The following MYO5A variants were observed in gnomAD, a reference collection of about 807,000 sequenced individuals.
MYO5A encodes myosin VA, also known as unconventional myosin-Va.
Under a neutral mutation model 249.7 loss-of-function variants are expected in MYO5A, and 98 were observed. The observed-to-expected ratio is 0.39, with a 90% CI of 0.33 to 0.46. MYO5A has a LOEUF of 0.46. Ranked by LOEUF, MYO5A falls within the 20% of genes least tolerant of loss-of-function variation. The pLI is 0.98. For synonymous variants in MYO5A, 778 were observed against 810.6 expected (o/e 0.96, Z 0.68); for missense variants, 1,696 against 2,308.8 (o/e 0.73, Z 5.44).
At chr15:52,372,002 C>T (rs528961412) in intron 21 of MYO5A, 122 bp downstream of exon 21, 23 of 1,404,076 alleles carry the variant, frequency 1.6e-5, no homozygotes, top group Admixed American at 1.0e-4. Flanking sequence ...GAAATAAATA[C>T]GGTCATAATT....
intron 31 of MYO5A, among the ~76,000 whole-genome samples, 177 bp from the exon 32 acceptor site, chr15:52,340,571 G>C (rs1408570103): frequency 6.6e-6 from 1 of 152,110 alleles, no homozygotes; most frequent in Non-Finnish European, 1.5e-5. Context: ...AATAGAAACG[G>C]GTGCTCTCAC....
Position 52,372,206 on chromosome 15 carries a change from G to A in MYO5A, c.2735C>T (p.Ala912Val), listed in dbSNP as rs1419087237. 2.5e-6 allele frequency: 4 copies of A among 1,613,476 alleles called. No individual in the cohort carries two copies. Among genetic ancestry groups the A allele is most frequent in the Non-Finnish European group, 3.4e-6 (4 of 1,180,032 alleles). ...KRELKKLKIE[A>V]RSVERYKKLH... is the part of the protein sequence containing the mutation. Reference sequence around the variant, plus strand: ...CTTCTTATAGCGCTCCACTGAGCGAGCCTCGATTTTGAGCTTCTTTAGCTC... The same window carrying A: ...CTTCTTATAGCGCTCCACTGAGCGAACCTCGATTTTGAGCTTCTTTAGCTC... The change falls in exon 21 of 42, where the codon GCT becomes GTT. Residue 912 changes from alanine (A) to valine (V), a missense_variant. Around this residue, in one of 5 missense-constraint regions of MYO5A, gnomAD observed 412 missense variants for 453.3 expected, o/e 0.91. Transcript: ENST00000399233.
intron 37 of MYO5A, 125 bp from the exon 38 acceptor site, chr15:52,321,634 G>T (rs2038317628): frequency 2.0e-6 from 2 of 1,025,360 alleles, no homozygotes; most frequent in South Asian, 2.6e-5. Flanking sequence ...CCCCACTAAT[G>T]CCAGGACTGA....
intron 1 of MYO5A, among the ~76,000 whole-genome samples, chr15:52,519,931 G>A (rs957503347): frequency 3.3e-5 from 5 of 151,992 alleles, no homozygotes; most frequent in African/African-American, 7.2e-5. Flanking sequence ...GGGTTTCACC[G>A]TGTTAGCCAA....
rs1038622369 is a variant in MYO5A at position 52,372,715 on chromosome 15, C to G, written c.2578-352G>C. ...CAACTATAAAAAGAAAGAAAAAATA[C>G]ATTAGGTTTCTTATTAGTATATGAT... On this transcript the variant is annotated intron_variant, in intron 20 of 41. Coordinates refer to ENST00000399233, the MANE Select transcript of MYO5A (RefSeq NM_001382347.1). Among the ~76,000 whole-genome samples, 2 of 152,054 alleles carry G rather than the reference C, an allele frequency of 1.3e-5. 1 individual carries two copies. The highest frequency in any genetic ancestry group is 6.3e-3 in the Middle Eastern group (2 of 316).
intron 1 of MYO5A, among the ~76,000 whole-genome samples, chr15:52,490,777 G>C (rs1239193177): frequency 6.6e-6 from 1 of 152,052 alleles, no homozygotes; most frequent in Non-Finnish European, 1.5e-5. Flanking sequence ...GGAGTGCAGT[G>C]GTGTGATGAT....
At chr15:52,387,543 G>A (rs1045054563) in intron 14 of MYO5A, among the ~76,000 whole-genome samples, 2 of 152,160 alleles carry the variant, frequency 1.3e-5, no homozygotes, top group Non-Finnish European at 2.9e-5. Context: ...CACAGACACA[G>A]CAAGACGGCC....
At chr15:52,333,499 A>G (rs2038981542) in intron 34 of MYO5A, among the ~76,000 whole-genome samples, 1 of 152,154 alleles carries the variant, frequency 6.6e-6, no homozygotes, top group Non-Finnish European at 1.5e-5. Flanking sequence ...ACCTGCTGCA[A>G]CCATGGGTCA....
At position 52,313,738 on chromosome 15, in the gene MYO5A, C is replaced by T. The variant is rs2037858506; in HGVS notation, c.5601G>A (p.Gln1867=). Residue 1867 remains glutamine (Q), a synonymous_variant, in exon 42 of 42, where the codon CAG becomes CAA. Transcript: ENST00000399233. The part of the protein sequence containing the change: ...NPSSLALETI[Q]IPASLGLGFI... ...AGCCCAGGCCGAGGCTGGCTGGAAT[C>T]TGGATGGTTTCTAGTGCGAGGGAAG... is the stretch of plus-strand genomic sequence containing the variant. The T allele has an allele frequency of 1.2e-6, 2 of 1,614,000 alleles. No individual in the cohort carries two copies. The highest frequency in any genetic ancestry group is 1.7e-6 in the Non-Finnish European group (2 of 1,180,044).
At chr15:52,355,974 C>T (rs146460717) in intron 25 of MYO5A, among the ~76,000 whole-genome samples, 343 of 152,166 alleles carry the variant, frequency 2.3e-3, no homozygotes, top group African/African-American at 8.0e-3. Flanking sequence ...AATAAAGGTA[C>T]ACTAATTAAA....
At chr15:52,325,374 C>T (rs2038547579) in intron 36 of MYO5A, among the ~76,000 whole-genome samples, 1 of 151,270 alleles carries the variant, frequency 6.6e-6, no homozygotes, top group Non-Finnish European at 1.5e-5. Flanking sequence ...CATCTGTTTT[C>T]ATTAGTGGGC....
chr15:52,365,205 G>A (rs1016916766), intron 23 of MYO5A, among the ~76,000 whole-genome samples: 6 of 152,122 alleles, frequency 3.9e-5, no homozygotes, highest in Admixed American at 1.3e-4. Context: ...TCTGTCTTAC[G>A]TTTTCTACGA....
intron 40 of MYO5A, among the ~76,000 whole-genome samples, chr15:52,314,748 A>C (rs2037914759): frequency 6.6e-6 from 1 of 152,236 alleles, no homozygotes; most frequent in Admixed American, 6.5e-5. Flanking sequence ...TTAATCAATT[A>C]GAGAGTATGA....
At chr15:52,501,461 C>T (rs1441419625) in intron 1 of MYO5A, among the ~76,000 whole-genome samples, 1 of 151,726 alleles carries the variant, frequency 6.6e-6, no homozygotes, top group East Asian at 1.9e-4. Flanking sequence ...ATTAGCTGGG[C>T]GTGGTGGTGT....
At chr15:52,330,129 A>C (rs2038819145) in intron 35 of MYO5A, among the ~76,000 whole-genome samples, 1 of 151,842 alleles carries the variant, frequency 6.6e-6, no homozygotes, top group African/African-American at 2.4e-5. Context: ...GGCTGAGAAG[A>C]CCTGATCTTG....
intron 1 of MYO5A, among the ~76,000 whole-genome samples, chr15:52,470,510 C>T (rs763359562): frequency 1.3e-5 from 2 of 152,024 alleles, no homozygotes; most frequent in African/African-American, 2.4e-5. Context: ...AATTAGCCGG[C>T]GTGGTGGCGC....
At chr15:52,525,306 T>C (rs1279433453) in intron 1 of MYO5A, among the ~76,000 whole-genome samples, 1 of 152,244 alleles carries the variant, frequency 6.6e-6, no homozygotes, top group East Asian at 1.9e-4. Context: ...TCAATAAAGC[T>C]GTTATTTTTA....
chr15:52,459,122 C>T (rs962189974), intron 1 of MYO5A, among the ~76,000 whole-genome samples: 6 of 131,910 alleles, frequency 4.5e-5, no homozygotes, highest in African/African-American at 1.4e-4. Context: ...GCCTCAGCCT[C>T]CTGAGTAGCT....
intron 1 of MYO5A, among the ~76,000 whole-genome samples, chr15:52,512,894 G>A (rs555395677): frequency 5.9e-5 from 9 of 152,094 alleles, no homozygotes; most frequent in African/African-American, 1.2e-4. Context: ...TTGGGAGGCC[G>A]AGGTGGGTGG....
Sources: allele counts gnomAD v4.1 joint callset (sites outside exome capture counted in the v4.1 genomes callset), GRCh38; gene constraint gnomAD v4.1.1; regional missense constraint gnomAD v4.1.1; transcripts MANE v1.5; gene names NCBI Gene and HGNC (gene_info 2026-07-23, HGNC 2026-07-21).